MAGI1: variants seen among roughly 807,000 people sequenced by gnomAD.
MAGI1 encodes membrane-associated guanylate kinase, WW and PDZ domain-containing protein 1.
Under a neutral mutation model 139.9 loss-of-function variants are expected in MAGI1, and 58 were observed. That is an observed-to-expected ratio of 0.41 (90% CI 0.34 to 0.52). The LOEUF is 0.52. Ranked by LOEUF, MAGI1 falls within the 20% of genes least tolerant of loss-of-function variation. The probability of loss-of-function intolerance (pLI) is 0.12; values close to 1 mark genes in which losing one functional copy is unlikely to be tolerated. For missense variants in MAGI1, 1,874 were observed against 1,901.6 expected (o/e 0.99, Z 0.27); for synonymous variants, 812 against 737.9 (o/e 1.10, Z -1.63).
intron 2 of MAGI1, among the ~76,000 whole-genome samples, chr3:65,508,475 G>T (rs1052940109): frequency 3.3e-5 from 5 of 152,120 alleles, no homozygotes; most frequent in Non-Finnish European, 7.3e-5. Flanking sequence ...GAATTATTAT[G>T]TTATATAAAG....
At position 65,923,226 on chromosome 3, in the gene MAGI1, C is replaced by CTTTTTTTT. The variant is rs72035925; in HGVS notation, c.313+114762_313+114769dup. Among the ~76,000 whole-genome samples, 2 of 139,962 alleles carry CTTTTTTTT rather than the reference C, an allele frequency of 1.4e-5. 1 individual carries two copies. Among genetic ancestry groups the CTTTTTTTT allele is most frequent in the African/African-American group, 5.3e-5 (2 of 37,400 alleles). 91.8% of individuals were successfully genotyped at this position (139,962 alleles called of 152,430 possible). ...TGTTAAGCTTGCATTCAACAGACAT[C>CTTTTTTTT]TTTTTTTTTTTTTTTTTGAGATGGA... On this transcript the variant is annotated intron_variant, in intron 1 of 22. Coordinates refer to ENST00000402939, the MANE Select transcript of MAGI1 (RefSeq NM_001033057.2).
chr3:65,937,002 G>GGTGGTGGTGC (rs2063096074), intron 1 of MAGI1, among the ~76,000 whole-genome samples: 1 of 151,128 alleles, frequency 6.6e-6, no homozygotes, highest in African/African-American at 2.4e-5. Context: ...GGTGGTGGTG[G>GGTGGTGGTGC]TGGTTGTTTT....
chr3:65,962,843 A>T (rs1048761979), intron 1 of MAGI1, among the ~76,000 whole-genome samples: 3 of 151,022 alleles, frequency 2.0e-5, no homozygotes, highest in Non-Finnish European at 4.4e-5. Context: ...AAAAAAAAAA[A>T]AAAAGAAGCA....
intron 1 of MAGI1, among the ~76,000 whole-genome samples, chr3:66,005,817 G>A (rs57751507): frequency 0.16 from 24,629 of 151,846 alleles, 2,812 homozygotes; most frequent in African/African-American, 0.31. Context: ...GATCTACCAG[G>A]AATCTAGAGA....
chr3:65,375,934 C>A lies in MAGI1; in HGVS notation c.3007G>T (p.Val1003Leu), dbSNP rs1367683733. 4 of 1,613,180 alleles carry A rather than the reference C, an allele frequency of 2.5e-6. No homozygotes were observed. In the Admixed American group the frequency reaches 6.7e-5, roughly 27 times the overall value. ...EAGTTFGNAC[V>L]AMPHKIGRII... ...CGACCTATTTTGTGAGGCATAGCCA[C>A]ACATGCATTGCCTGCTTTGATATTG... The change falls in exon 18 of 23, where the codon GTG (valine) becomes TTG (leucine). Residue 1003 changes from valine to leucine, a missense_variant. By Grantham distance (32) the Val-to-Leu change is conservative. This residue lies in a region of MAGI1 where 653 missense variants were observed against 644.5 expected (regional missense o/e 1.01). Transcript: ENST00000402939.
At chr3:66,003,850 CAAGTA>C in intron 1 of MAGI1, 1 of 152,174 alleles carries the variant, frequency 6.6e-6, no homozygotes, top group South Asian at 2.1e-4. Flanking sequence ...TTTGGTTAGT[CAAGTA>C]AAGTAGTGAG....
At chr3:65,612,364 A>AT (rs2083168693) in intron 2 of MAGI1, among the ~76,000 whole-genome samples, 1 of 152,050 alleles carries the variant, frequency 6.6e-6, no homozygotes. Flanking sequence ...CCTCCCACAC[A>AT]TAATATATTT....
At chr3:65,700,831 A>G (rs895764982) in intron 1 of MAGI1, among the ~76,000 whole-genome samples, 5 of 152,216 alleles carry the variant, frequency 3.3e-5, no homozygotes, top group African/African-American at 1.2e-4. Context: ...ATTGCTTCTA[A>G]TGAAGTTGAT....
chr3:65,414,442 A>G (rs1946037101), intron 12 of MAGI1, among the ~76,000 whole-genome samples: 1 of 152,216 alleles, frequency 6.6e-6, no homozygotes, highest in Non-Finnish European at 1.5e-5. Context: ...TTCCTGAATG[A>G]AGATCTAGGG....
chr3:65,993,796 T>C (rs1468450245), intron 1 of MAGI1, among the ~76,000 whole-genome samples: 3 of 152,126 alleles, frequency 2.0e-5, no homozygotes, highest in Non-Finnish European at 2.9e-5. Context: ...AGTCAACTTC[T>C]CCCAGGTAAC....
At chr3:65,611,033 T>C (rs1433339069) in intron 2 of MAGI1, among the ~76,000 whole-genome samples, 1 of 134,084 alleles carries the variant, frequency 7.5e-6, no homozygotes, top group Non-Finnish European at 1.5e-5. Flanking sequence ...GTGTATATAG[T>C]ATATATACTA....
intron 2 of MAGI1, among the ~76,000 whole-genome samples, chr3:65,572,427 T>C (rs145508792): frequency 1.3e-5 from 2 of 152,210 alleles, no homozygotes; most frequent in African/African-American, 2.4e-5. Flanking sequence ...TGCATTCTAT[T>C]GCATTGCACA....
intron 2 of MAGI1, among the ~76,000 whole-genome samples, chr3:65,536,847 C>A (rs1200237353): frequency 6.6e-6 from 1 of 152,190 alleles, no homozygotes; most frequent in African/African-American, 2.4e-5. Flanking sequence ...AGAGATAAGA[C>A]TGAGAATGGC....
rs1401353352 is a variant in MAGI1, at chr3:65,353,540, AT to A, written c.*2837del. 6.6e-6 allele frequency: 1 copy of A among 152,226 alleles called. No homozygotes were observed. The highest frequency in any genetic ancestry group is 1.5e-5 in the Non-Finnish European group (1 of 68,038). 9.4% of individuals were successfully genotyped at this position (152,226 alleles called of 1,614,324 possible). On this transcript the variant is annotated 3_prime_UTR_variant, in exon 23 of 23. Coordinates refer to ENST00000402939, the MANE Select transcript of MAGI1 (RefSeq NM_001033057.2). The stretch of plus-strand genomic sequence containing the variant: ...AGAAGCAATAGTGGTTGTGGAATGC[AT>A]ACATTTCCATGTATTTTTACAGTAA...
At chr3:65,866,096 T>C (rs1355186879) in intron 1 of MAGI1, among the ~76,000 whole-genome samples, 2 of 151,898 alleles carry the variant, frequency 1.3e-5, no homozygotes, top group East Asian at 1.9e-4. Flanking sequence ...TAAGTAAACA[T>C]GCAATATATA....
At chr3:65,911,245 C>T (rs1348932951) in intron 1 of MAGI1, among the ~76,000 whole-genome samples, 2 of 151,922 alleles carry the variant, frequency 1.3e-5, no homozygotes. Flanking sequence ...AATAACTTAT[C>T]TCCATAGGCT....
At chr3:65,526,099 C>T (rs914484300) in intron 2 of MAGI1, among the ~76,000 whole-genome samples, 4 of 152,172 alleles carry the variant, frequency 2.6e-5, no homozygotes, top group African/African-American at 9.7e-5. Context: ...ATCTACATCA[C>T]CTAATAAATG....
At chr3:65,875,143 A>G (rs148188351) in intron 1 of MAGI1, 1 of 152,768 alleles carries the variant, frequency 6.5e-6, no homozygotes, top group African/African-American at 2.4e-5. Context: ...GAAGCCAGTC[A>G]CAAAAGACCT....
chr3:65,659,726 C>G lies in MAGI1; in HGVS notation c.314-37638G>C, dbSNP rs2086086594. Among the ~76,000 whole-genome samples the G allele has an allele frequency of 2.0e-5, 3 of 152,282 alleles. No individual in the cohort carries two copies. The South Asian group carries it at 6.2e-4, about 32-fold the overall frequency. ...CTACTTGAACTATTTTCTGCCTCAT[C>G]CTTGAATTCCTTCTTGCAATGGGGC... On this transcript the variant is annotated intron_variant, in intron 1 of 22. Coordinates refer to ENST00000402939, the MANE Select transcript of MAGI1 (RefSeq NM_001033057.2).
Sources: gnomAD v4.1 joint callset for allele counts (sites outside exome capture counted in the v4.1 genomes callset) on GRCh38, gnomAD v4.1.1 for gene constraint, gnomAD v4.1.1 regional missense constraint, MANE v1.5 for transcripts, NCBI Gene and HGNC (gene_info 2026-07-23, HGNC 2026-07-21) for gene names.